The following CDH13 variants were observed in gnomAD, a reference collection of about 807,000 sequenced individuals.
CDH13 encodes cadherin-13.
CDH13 carries 24 observed loss-of-function variants against 63.8 expected under a neutral mutation model. That is an observed-to-expected ratio of 0.38 (90% confidence interval 0.27 to 0.53). The LOEUF (loss-of-function observed/expected upper bound fraction) is 0.53, where lower values mean the gene tolerates loss of function less well. CDH13 is among the 20% of genes least tolerant of loss of function. The pLI, the probability that CDH13 is intolerant of heterozygous loss-of-function variation, is 0.85. For missense variants in CDH13, 1,049 were observed against 903.1 expected (o/e 1.16, Z -2.07); for synonymous variants, 503 against 355.3 (o/e 1.42, Z -4.67).
chr16:83,237,535 C>T (rs1215635689), intron 5 of CDH13, among the ~76,000 whole-genome samples: 2 of 152,234 alleles, frequency 1.3e-5, no homozygotes, highest in East Asian at 3.8e-4. Flanking sequence ...GCAGCTAGTG[C>T]AGCTGTAGAA....
intron 2 of CDH13, among the ~76,000 whole-genome samples, chr16:82,973,175 C>T (rs1003033982): frequency 6.6e-6 from 1 of 152,200 alleles, no homozygotes; most frequent in African/African-American, 2.4e-5. Flanking sequence ...TTTCTCTTCC[C>T]TTCTACCAAC....
At chr16:82,744,568 C>A (rs1274521637) in intron 1 of CDH13, among the ~76,000 whole-genome samples, 1 of 152,080 alleles carries the variant, frequency 6.6e-6, no homozygotes, top group Non-Finnish European at 1.5e-5. Flanking sequence ...GTCCCTTTCC[C>A]CTCAGTTCCT....
intron 1 of CDH13, among the ~76,000 whole-genome samples, chr16:82,802,560 G>A (rs1531435): frequency 0.98 from 149,165 of 152,250 alleles, 73,148 homozygotes; most frequent in Middle Eastern, 1. Context: ...AGAAGCATGT[G>A]CATGATGTGA....
At chr16:82,786,579 A>G (rs989004602) in intron 1 of CDH13, among the ~76,000 whole-genome samples, 1 of 151,200 alleles carries the variant, frequency 6.6e-6, no homozygotes, top group African/African-American at 2.4e-5. Context: ...GTATGTATAC[A>G]TGTGCCATGT....
chr16:83,319,070 C>G (rs972414839), intron 5 of CDH13, among the ~76,000 whole-genome samples: 1 of 151,602 alleles, frequency 6.6e-6, no homozygotes. Context: ...GATGCACCTG[C>G]AAGTGAAGCT....
rs563260703 is a variant in CDH13 at position 83,161,033 on chromosome 16, T to C, written c.483+35532T>C. Among the ~76,000 whole-genome samples the C allele has an allele frequency of 3.3e-5, 5 of 152,310 alleles. No individual in the cohort carries two copies. In the South Asian group the frequency reaches 6.2e-4, roughly 19 times the overall value. On this transcript the variant is annotated intron_variant, in intron 4 of 13. Coordinates refer to ENST00000567109, the MANE Select transcript of CDH13 (RefSeq NM_001257.5). ...TTGCTATGAAAATGAGGCATTCTTATTGCATCTAGACTGAGCATCAGCATG... is the reference window on the plus strand; with the variant it reads ...TTGCTATGAAAATGAGGCATTCTTACTGCATCTAGACTGAGCATCAGCATG...
chr16:82,850,093 C>G (rs2039421762), intron 1 of CDH13, among the ~76,000 whole-genome samples: 2 of 152,182 alleles, frequency 1.3e-5, no homozygotes, highest in Admixed American at 1.3e-4. Context: ...GTCTTACTAT[C>G]AAAGAAATAC....
chr16:82,648,465 A>G (rs954902590), intron 1 of CDH13, among the ~76,000 whole-genome samples: 4 of 152,254 alleles, frequency 2.6e-5, no homozygotes, highest in Admixed American at 2.0e-4. Flanking sequence ...AGAATATTAC[A>G]TAACCATTAA....
intron 3 of CDH13, among the ~76,000 whole-genome samples, chr16:83,044,552 G>A (rs532619531): frequency 1.3e-5 from 2 of 152,278 alleles, no homozygotes; most frequent in African/African-American, 4.8e-5. Flanking sequence ...CCCAGGCCAG[G>A]GACCTGATCT....
intron 2 of CDH13, among the ~76,000 whole-genome samples, chr16:82,950,176 G>A (rs1905146024): frequency 1.3e-5 from 2 of 152,168 alleles, no homozygotes; most frequent in Admixed American, 6.5e-5. Flanking sequence ...TGAGGGCTGT[G>A]AGGGGAATCT....
At chr16:83,520,996 A>T (rs28382377) in intron 7 of CDH13, among the ~76,000 whole-genome samples, 14,736 of 152,020 alleles carry the variant, frequency 0.097, 893 homozygotes, top group African/African-American at 0.17. Flanking sequence ...TCAATTTTTT[A>T]AATTTCACCT....
At chr16:83,403,306 C>T (rs1006725436) in intron 6 of CDH13, among the ~76,000 whole-genome samples, 1 of 152,128 alleles carries the variant, frequency 6.6e-6, no homozygotes, top group Admixed American at 6.5e-5. Flanking sequence ...ACCTTGAAAT[C>T]CTGAGACTTG....
intron 1 of CDH13, among the ~76,000 whole-genome samples, chr16:82,650,202 C>A (rs545836018): frequency 6.6e-6 from 1 of 152,258 alleles, no homozygotes; most frequent in African/African-American, 2.4e-5. Context: ...TAACCTTCAG[C>A]AATTGTAATA....
chr16:82,746,475 C>T (rs1031601403), intron 1 of CDH13, among the ~76,000 whole-genome samples: 1 of 151,982 alleles, frequency 6.6e-6, no homozygotes, highest in African/African-American at 2.4e-5. Flanking sequence ...TCAGCCACTA[C>T]AAATGAGAAC....
chr16:83,784,351 G>C (rs1333112112), intron 13 of CDH13, among the ~76,000 whole-genome samples: 1 of 152,110 alleles, frequency 6.6e-6, no homozygotes, highest in Non-Finnish European at 1.5e-5. Flanking sequence ...AAAATGAAGG[G>C]CCAGGCACGG....
In CDH13 at chr16:83,249,233, T is replaced by C. The variant is rs192811804; in HGVS notation, c.636+31736T>C. 2.6e-5 allele frequency among the ~76,000 whole-genome samples: 4 copies of C among 152,354 alleles called. No individual in the cohort carries two copies. In the East Asian group the frequency reaches 7.7e-4, roughly 29 times the overall value. ...ACTAAGGAGAGAACATCGTACCCTC[T>C]AACCCAGTGGTTGGCACGCTTGAGC... On this transcript the variant is annotated intron_variant, in intron 5 of 13. Coordinates refer to ENST00000567109, the MANE Select transcript of CDH13 (RefSeq NM_001257.5).
At chr16:83,624,341 C>CCCT (rs1910080442) in intron 8 of CDH13, among the ~76,000 whole-genome samples, 1 of 151,496 alleles carries the variant, frequency 6.6e-6, no homozygotes, top group African/African-American at 2.4e-5. Context: ...AGATAACGCC[C>CCCT]CCACCCCTGC....
chr16:83,354,754 C>T (rs891976705), intron 6 of CDH13, among the ~76,000 whole-genome samples: 1 of 152,164 alleles, frequency 6.6e-6, no homozygotes, highest in African/African-American at 2.4e-5. Context: ...CCAGGTGAGA[C>T]AGGGAGATGG....
intron 4 of CDH13, among the ~76,000 whole-genome samples, chr16:83,152,966 C>A (rs191075363): frequency 6.6e-6 from 1 of 152,230 alleles, no homozygotes. Flanking sequence ...CTACAAGGCA[C>A]GGAATGCCAA....
Sources: allele counts gnomAD v4.1 joint callset (sites outside exome capture counted in the v4.1 genomes callset), GRCh38; gene constraint gnomAD v4.1.1; transcripts MANE v1.5; gene names NCBI Gene and HGNC (gene_info 2026-07-23, HGNC 2026-07-21).